The following MARK3 variants were observed in gnomAD, a reference collection of about 807,000 sequenced individuals.
MARK3 encodes MAP/microtubule affinity-regulating kinase 3.
MARK3 carries 46 observed loss-of-function variants against 90.1 expected under a neutral mutation model. That is an observed-to-expected ratio of 0.51 (90% CI 0.40 to 0.65). MARK3 has a LOEUF of 0.65. MARK3 is among the 30% of genes least tolerant of loss of function. The probability of loss-of-function intolerance (pLI) is 0.00; values close to 1 mark genes in which losing one functional copy is unlikely to be tolerated. For synonymous variants in MARK3, 321 were observed against 332.6 expected, an observed-to-expected ratio of 0.97 and a Z score of 0.38; for missense variants, 818 against 947.2, an observed-to-expected ratio of 0.86 and a Z score of 1.79.
At chr14:103,467,377 GAT>G in intron 11 of MARK3, 186 bp downstream of exon 11, 1 of 363,456 alleles carries the variant, frequency 2.8e-6, no homozygotes, top group East Asian at 4.7e-5. Context: ...CTTAATGATG[GAT>G]ATTGGCCAGG....
chr14:103,467,258 T>C, intron 11 of MARK3, 67 bp downstream of exon 11: 2 of 723,520 alleles, frequency 2.8e-6, no homozygotes, highest in Non-Finnish European at 2.2e-6. Flanking sequence ...ACTGTTTTCT[T>C]AGTTTTTATC....
At chr14:103,424,705 A>G (rs1595602928) in intron 2 of MARK3, among the ~76,000 whole-genome samples, 1 of 152,174 alleles carries the variant, frequency 6.6e-6, no homozygotes, top group Non-Finnish European at 1.5e-5. Flanking sequence ...AGGAGGAGGA[A>G]TAAAGCAGAA....
At chr14:103,391,743 A>C (rs1407574193) in intron 1 of MARK3, among the ~76,000 whole-genome samples, 1 of 108,186 alleles carries the variant, frequency 9.2e-6, no homozygotes, top group Non-Finnish European at 1.7e-5. Context: ...TTTTTAGTAG[A>C]GATGGGGTTT....
chr14:103,496,259 GA>G (rs1381775896), intron 15 of MARK3, among the ~76,000 whole-genome samples: 2 of 152,094 alleles, frequency 1.3e-5, no homozygotes, highest in African/African-American at 4.8e-5. Flanking sequence ...TATAGTAATT[GA>G]CCAGTAACCC....
At chr14:103,418,062 C>T (rs1189633994) in intron 2 of MARK3, among the ~76,000 whole-genome samples, 1 of 152,056 alleles carries the variant, frequency 6.6e-6, no homozygotes, top group Non-Finnish European at 1.5e-5. Flanking sequence ...GAGCAAAACT[C>T]TGTCTCAAAA....
chr14:103,454,876 G>A (rs1303691801), intron 5 of MARK3, among the ~76,000 whole-genome samples: 3 of 152,184 alleles, frequency 2.0e-5, no homozygotes, highest in Non-Finnish European at 4.4e-5. Context: ...GCCTGTCAGT[G>A]TCCTTCCATC....
At chr14:103,500,605 T>C (rs1052127125) in intron 17 of MARK3, among the ~76,000 whole-genome samples, 1 of 152,082 alleles carries the variant, frequency 6.6e-6, no homozygotes, top group Non-Finnish European at 1.5e-5. Flanking sequence ...CTAAGAATGG[T>C]GATTATATAG....
At chr14:103,395,749 C>T (rs2090539889) in intron 1 of MARK3, among the ~76,000 whole-genome samples, 1 of 152,204 alleles carries the variant, frequency 6.6e-6, no homozygotes, top group African/African-American at 2.4e-5. Flanking sequence ...GAATTCTAGA[C>T]TGAATGCCCT....
At chr14:103,454,272 A>G (rs1442677732) in intron 5 of MARK3, among the ~76,000 whole-genome samples, 6 of 148,180 alleles carry the variant, frequency 4.0e-5, no homozygotes, top group Admixed American at 4.0e-4. Context: ...TTCTTTTTGG[A>G]GACAGGGTCT....
chr14:103,422,704 A>G (rs938101539), intron 2 of MARK3, among the ~76,000 whole-genome samples: 2 of 152,180 alleles, frequency 1.3e-5, no homozygotes, highest in Admixed American at 1.3e-4. Context: ...TTAACATTGT[A>G]CTAATAGAAT....
At chr14:103,406,645 C>T (rs1043629233) in intron 2 of MARK3, among the ~76,000 whole-genome samples, 1 of 148,148 alleles carries the variant, frequency 6.8e-6, no homozygotes, top group Non-Finnish European at 1.5e-5. Context: ...CTCTGTCACC[C>T]AGGCTGGAGT....
chr14:103,484,168 T>TTTTTTTTTC (rs1555401369), intron 14 of MARK3, among the ~76,000 whole-genome samples: 5 of 148,310 alleles, frequency 3.4e-5, no homozygotes, highest in Non-Finnish European at 5.9e-5. Flanking sequence ...CTTTTCTTTT[T>TTTTTTTTTC]TTTTTTTCTT....
chr14:103,431,111 G>C (rs904455347), intron 3 of MARK3, among the ~76,000 whole-genome samples: 2 of 151,380 alleles, frequency 1.3e-5, no homozygotes, highest in Admixed American at 1.3e-4. Context: ...TTTTTGAGAT[G>C]GAGTCTCGCT....
intron 6 of MARK3, among the ~76,000 whole-genome samples, chr14:103,459,913 C>CAAAGT (rs2093360639): frequency 6.6e-6 from 1 of 151,846 alleles, no homozygotes; most frequent in African/African-American, 2.4e-5. Flanking sequence ...ATGCCACACA[C>CAAAGT]AAAGTACACT....
At chr14:103,417,891 A>C (rs1025229526) in intron 2 of MARK3, among the ~76,000 whole-genome samples, 1 of 151,920 alleles carries the variant, frequency 6.6e-6, no homozygotes, top group Non-Finnish European at 1.5e-5. Context: ...ACATGGTGAA[A>C]CCCTGCCTCT....
At chr14:103,499,861 G>A (rs1024653072) in intron 16 of MARK3, 4 of 33,846 alleles carry the variant, frequency 1.2e-4, no homozygotes, top group Non-Finnish European at 1.7e-4. Flanking sequence ...TGCGTGCGTG[G>A]TGTGCGGTGT....
chr14:103,411,154 G>A (rs537619734), intron 2 of MARK3, among the ~76,000 whole-genome samples: 21 of 152,042 alleles, frequency 1.4e-4, no homozygotes, highest in African/African-American at 4.6e-4. Context: ...GGCGCCTGTA[G>A]CCCCAGCTGT....
At chr14:103,394,707 C>T (rs2090469597) in intron 1 of MARK3, among the ~76,000 whole-genome samples, 1 of 152,170 alleles carries the variant, frequency 6.6e-6, no homozygotes, top group Non-Finnish European at 1.5e-5. Flanking sequence ...ACACAAAAAT[C>T]TGTATTGGTA....
chr14:103,393,147 ATT>A (rs1480763913), intron 1 of MARK3, among the ~76,000 whole-genome samples: 1 of 151,950 alleles, frequency 6.6e-6, no homozygotes, highest in Non-Finnish European at 1.5e-5. Flanking sequence ...TGCCCAGCTG[ATT>A]TTTTTGTATT....
Sources: allele counts gnomAD v4.1 joint callset (sites outside exome capture counted in the v4.1 genomes callset), GRCh38; gene constraint gnomAD v4.1.1; transcripts MANE v1.5; gene names NCBI Gene and HGNC (gene_info 2026-07-23, HGNC 2026-07-21).